C17orf114: variants seen among roughly 807,000 people sequenced by gnomAD.
C17orf114 encodes uncharacterized protein C17orf114.
chr17:4,801,338 A>G (rs2150661921), exon 2 of C17orf114: 1 of 398,806 alleles, frequency 2.5e-6, no homozygotes, highest in East Asian at 3.6e-5. Flanking sequence ...CTGGTGGCGG[A>G]AGGAGAGTCG....
chr17:4,806,127 A>G (rs1905773626), upstream of C17orf114, among the ~76,000 whole-genome samples: 1 of 152,278 alleles, frequency 6.6e-6, no homozygotes, highest in Non-Finnish European at 1.5e-5. Flanking sequence ...TCAAATTGCA[A>G]TGATGTGCCC....
At chr17:4,806,416 A>G (rs761135228), upstream of C17orf114, among the ~76,000 whole-genome samples, 1 of 152,232 alleles carries the variant, frequency 6.6e-6, no homozygotes, top group Non-Finnish European at 1.5e-5. Context: ...ACCCACATGT[A>G]TATCAAAAGA....
chr17:4,802,681 G>A (rs983425522), upstream of C17orf114, among the ~76,000 whole-genome samples: 2 of 152,138 alleles, frequency 1.3e-5, no homozygotes, highest in African/African-American at 2.4e-5. Context: ...GCTGGACACC[G>A]CTGGGGATTC....
upstream of C17orf114, among the ~76,000 whole-genome samples, chr17:4,802,977 G>A (rs553038352): frequency 6.6e-6 from 1 of 152,214 alleles, no homozygotes; most frequent in East Asian, 1.9e-4. Flanking sequence ...GAGTGCAGTG[G>A]CGCAATCTCG....
At chr17:4,803,416 ATTTTTTTTT>A (rs34116712), upstream of C17orf114, among the ~76,000 whole-genome samples, 1 of 75,450 alleles carries the variant, frequency 1.3e-5, no homozygotes, top group Non-Finnish European at 2.3e-5. Context: ...GTTTTTTTTA[ATTTTTTTTT>A]TTTTTTTTTT....
chr17:4,804,306 G>A (rs1050276489), upstream of C17orf114, among the ~76,000 whole-genome samples: 13 of 150,716 alleles, frequency 8.6e-5, no homozygotes, highest in Middle Eastern at 3.2e-3. Flanking sequence ...CCGGGTTCAC[G>A]CCATTCTCCT....
At chr17:4,804,950 C>G (rs1905608449), upstream of C17orf114, among the ~76,000 whole-genome samples, 1 of 152,086 alleles carries the variant, frequency 6.6e-6, no homozygotes. Context: ...CACATCTTAA[C>G]GTACAGTTCC....
upstream of C17orf114, among the ~76,000 whole-genome samples, chr17:4,803,961 A>G (rs1905577580): frequency 6.6e-6 from 1 of 151,918 alleles, no homozygotes; most frequent in African/African-American, 2.4e-5. Context: ...ACCTCAAGTG[A>G]TCTGCCTGCC....
chr17:4,802,147 G>A (rs1174069617), intron 1 of C17orf114, 100 bp downstream of exon 1: 1 of 397,804 alleles, frequency 2.5e-6, no homozygotes, highest in Non-Finnish European at 4.4e-6. Flanking sequence ...GGAGACAGAT[G>A]ATCCTTTTCC....
At chr17:4,805,262 T>C (rs774469636), upstream of C17orf114, among the ~76,000 whole-genome samples, 32 of 151,626 alleles carry the variant, frequency 2.1e-4, no homozygotes, top group Non-Finnish European at 3.5e-4. Context: ...ACCCCGTCTC[T>C]ACTAAAAATA....
upstream of C17orf114, chr17:4,802,461 G>A (rs931058943): frequency 3.3e-5 from 13 of 395,416 alleles, no homozygotes; most frequent in East Asian, 1.4e-4. Flanking sequence ...GGGATGGAAA[G>A]GGGAGAGGAG....
intron 1 of C17orf114, 99 bp from the exon 2 acceptor site, chr17:4,801,554 T>TG (rs1597312178): frequency 2.8e-6 from 1 of 358,392 alleles, no homozygotes; most frequent in African/African-American, 2.6e-5. Flanking sequence ...GGAAGACACC[T>TG]GGGGCCTGGG....
chr17:4,801,227 G>A (rs1055451136), exon 2 of C17orf114: 2 of 398,482 alleles, frequency 5.0e-6, no homozygotes, highest in Non-Finnish European at 4.4e-6. Flanking sequence ...TAGGATCGCT[G>A]AGAAATCTGG....
chr17:4,804,739 C>A (rs925220581), upstream of C17orf114, among the ~76,000 whole-genome samples: 4 of 151,600 alleles, frequency 2.6e-5, no homozygotes, highest in African/African-American at 4.8e-5. Flanking sequence ...GTACGCATCA[C>A]CACACTCAGC....
chr17:4,804,525 CCT>C (rs1185246543), upstream of C17orf114, among the ~76,000 whole-genome samples: 1 of 150,406 alleles, frequency 6.6e-6, no homozygotes, highest in African/African-American at 2.4e-5. Context: ...TTCATCATTC[CCT>C]GAGGGTGCCA....
chr17:4,804,776 G>C (rs1433174683), upstream of C17orf114, among the ~76,000 whole-genome samples: 1 of 150,038 alleles, frequency 6.7e-6, no homozygotes, highest in Non-Finnish European at 1.5e-5. Context: ...TAGTAGAGAC[G>C]GGGTTCACCA....
upstream of C17orf114, among the ~76,000 whole-genome samples, chr17:4,806,487 A>T (rs1169371708): frequency 1.3e-5 from 2 of 152,182 alleles, no homozygotes; most frequent in African/African-American, 2.4e-5. Context: ...ACCCGAAAAA[A>T]TTTTATTTCC....
upstream of C17orf114, among the ~76,000 whole-genome samples, chr17:4,803,698 T>A (rs767852627): frequency 1.3e-4 from 19 of 151,984 alleles, no homozygotes; most frequent in Admixed American, 2.6e-4. Context: ...AGTGCTGGGA[T>A]TACAGGCATG....
At chr17:4,803,586 G>A (rs571679131), upstream of C17orf114, among the ~76,000 whole-genome samples, 12 of 150,804 alleles carry the variant, frequency 8.0e-5, no homozygotes, top group South Asian at 2.1e-4. Context: ...CACCACACCC[G>A]GCTAATTTTT....
Sources: gnomAD v4.1 joint callset for allele counts (sites outside exome capture counted in the v4.1 genomes callset) on GRCh38, gnomAD v4.1.1 for gene constraint, MANE v1.5 for transcripts, NCBI Gene and HGNC (gene_info 2026-07-23, HGNC 2026-07-21) for gene names.